The following HSP90AA1 variants were observed in gnomAD, a reference collection of about 807,000 sequenced individuals.
HSP90AA1 encodes the protein heat shock protein 90 alpha family class A member 1.
Under a neutral mutation model 73.3 loss-of-function variants are expected in HSP90AA1, and 18 were observed. The observed-to-expected ratio is 0.25, with a 90% CI of 0.17 to 0.36. The LOEUF (loss-of-function observed/expected upper bound fraction) is 0.36, where lower values mean the gene tolerates loss of function less well. HSP90AA1 is among the 10% of genes least tolerant of loss of function. The probability of loss-of-function intolerance (pLI) is 1.00; values close to 1 mark genes in which losing one functional copy is unlikely to be tolerated. For synonymous variants in HSP90AA1, 477 were observed against 296.9 expected (o/e 1.61, Z -6.24); for missense variants, 704 against 874.2 (o/e 0.81, Z 2.45).
chr14:102,093,151 G>A (rs1207241934), intron 2 of HSP90AA1, among the ~76,000 whole-genome samples: 1 of 150,954 alleles, frequency 6.6e-6, no homozygotes, highest in African/African-American at 2.4e-5. Flanking sequence ...TTCATACTTA[G>A]GAAAGAAAAA....
intron 5 of HSP90AA1, 56 bp from the exon 6 acceptor site, chr14:102,084,620 TG>T: frequency 1.2e-6 from 2 of 1,614,170 alleles, no homozygotes; most frequent in East Asian, 4.5e-5. Context: ...AGAAGATATT[TG>T]GGGTGGTGGA....
At chr14:102,085,603 A>G in intron 3 of HSP90AA1, 155 bp downstream of exon 3, 1 of 1,279,040 alleles carries the variant, frequency 7.8e-7, no homozygotes, top group South Asian at 1.2e-5. Context: ...ACCGCCCACC[A>G]AGTCATGCCA....
intron 1 of HSP90AA1, among the ~76,000 whole-genome samples, chr14:102,121,637 T>A (rs558080045): frequency 2.3e-4 from 35 of 152,326 alleles, no homozygotes; most frequent in Middle Eastern, 3.4e-3. Flanking sequence ...AATTTTATAT[T>A]GATAATTGAT....
intron 9 of HSP90AA1, 34 bp downstream of exon 9, chr14:102,083,000 G>GTC (rs750851586): frequency 7.5e-6 from 12 of 1,598,488 alleles, no homozygotes; most frequent in Non-Finnish European, 1.0e-5. Context: ...CACCTTAGAA[G>GTC]TATCAATGAT....
chr14:102,088,838 T>C (rs1180005982), upstream of HSP90AA1, among the ~76,000 whole-genome samples: 1 of 152,142 alleles, frequency 6.6e-6, no homozygotes, highest in Non-Finnish European at 1.5e-5. Flanking sequence ...GTTTCTGCCA[T>C]TGCCCAGGGG....
At chr14:102,081,995 C>T (rs1297684971) in intron 10 of HSP90AA1, 116 bp downstream of exon 10, 1 of 822,578 alleles carries the variant, frequency 1.2e-6, no homozygotes, top group South Asian at 1.4e-5. Flanking sequence ...TACTTTAATA[C>T]CTCCAAGCAG....
chr14:102,114,951 G>A (rs2049687893), intron 1 of HSP90AA1, among the ~76,000 whole-genome samples: 1 of 152,008 alleles, frequency 6.6e-6, no homozygotes, highest in Non-Finnish European at 1.5e-5. Context: ...TGGCTAACAC[G>A]GTGAAACCCC....
chr14:102,124,326 G>T (rs1007611368), intron 1 of HSP90AA1, among the ~76,000 whole-genome samples: 2 of 151,056 alleles, frequency 1.3e-5, no homozygotes, highest in Non-Finnish European at 2.9e-5. Flanking sequence ...CACATAGCTG[G>T]GATTACAGGT....
At chr14:102,134,133 AGAGT>A (rs1337863247) in intron 1 of HSP90AA1, among the ~76,000 whole-genome samples, 112 of 139,556 alleles carry the variant, frequency 8.0e-4, no homozygotes, top group African/African-American at 2.7e-3. Context: ...CCTGGGCAAC[AGAGT>A]GAGACCTGTC....
chr14:102,085,166 C>CAA, intron 4 of HSP90AA1, 132 bp downstream of exon 4: 4 of 1,437,430 alleles, frequency 2.8e-6, no homozygotes, highest in Non-Finnish European at 2.9e-6. Flanking sequence ...GGAACTTTTA[C>CAA]AGAGTTAGGT....
intron 1 of HSP90AA1, among the ~76,000 whole-genome samples, chr14:102,138,078 T>C (rs987453441): frequency 1.3e-5 from 2 of 152,082 alleles, no homozygotes; most frequent in East Asian, 1.9e-4. Flanking sequence ...ATTACTGTGA[T>C]TATAATAAAA....
Position 102,083,631 on chromosome 14 carries a change from T to C in HSP90AA1, c.1401A>G (p.Thr467=), listed in dbSNP as rs114259343. 35 of 1,613,304 alleles carry C rather than the reference T, an allele frequency of 2.2e-5. No homozygotes were observed. In the East Asian group the frequency reaches 5.1e-4, roughly 24 times the overall value. The change falls in exon 8 of 11, where the codon ACA becomes ACG. Residue 467 remains threonine (T), a synonymous_variant. Transcript: ENST00000216281. ...AAACCATCTCATCACCAGAGGCAGA[T>C]GTGTAGTACCTTAACAGCTCTGAAA... ...KKLSELLRYY[T]SASGDEMVSL...
At chr14:102,107,021 G>T (rs2049577769) in intron 1 of HSP90AA1, among the ~76,000 whole-genome samples, 1 of 152,014 alleles carries the variant, frequency 6.6e-6, no homozygotes, top group Non-Finnish European at 1.5e-5. Context: ...AGGGCAAGAA[G>T]AACTAAGAAA....
At chr14:102,105,716 A>G (rs2049559008) in intron 1 of HSP90AA1, among the ~76,000 whole-genome samples, 1 of 152,126 alleles carries the variant, frequency 6.6e-6, no homozygotes. Context: ...TGTTTTAGGT[A>G]GATCTTCATG....
chr14:102,108,951 T>C (rs1466389038), intron 1 of HSP90AA1, among the ~76,000 whole-genome samples: 1 of 152,140 alleles, frequency 6.6e-6, no homozygotes, highest in Non-Finnish European at 1.5e-5. Flanking sequence ...TGGATTGCAT[T>C]TCATTTATTT....
intron 1 of HSP90AA1, among the ~76,000 whole-genome samples, chr14:102,108,975 A>G: frequency 6.6e-6 from 1 of 152,136 alleles, no homozygotes; most frequent in East Asian, 1.9e-4. Flanking sequence ...TTTTTATTGG[A>G]CAGCTGAATT....
intron 1 of HSP90AA1, among the ~76,000 whole-genome samples, chr14:102,104,738 T>C (rs917264622): frequency 6.6e-6 from 1 of 152,086 alleles, no homozygotes; most frequent in Admixed American, 6.6e-5. Flanking sequence ...TCGACTCATC[T>C]TTCCCTCTCC....
rs1439325301 is a variant in HSP90AA1 at position 102,083,641 on chromosome 14, C to T, written c.1391G>A (p.Arg464Lys). Residue 464 changes from arginine to lysine, a missense_variant, in exon 8 of 11, where the codon AGG becomes AAG. Coordinates refer to ENST00000216281, the MANE Select transcript of HSP90AA1 (RefSeq NM_005348.4). ...ATCACCAGAGGCAGATGTGTAGTAC[C>T]TTAACAGCTCTGAAAGCTTCTTCCG... ...QNRKKLSELL[R>K]YYTSASGDEM... 1.2e-6 allele frequency: 2 copies of T among 1,613,036 alleles called. No individual in the cohort carries two copies. The highest frequency in any genetic ancestry group is 1.7e-5 in the Admixed American group (1 of 59,976).
upstream of HSP90AA1, among the ~76,000 whole-genome samples, chr14:102,091,661 C>T (rs2049360199): frequency 6.6e-6 from 1 of 151,928 alleles, no homozygotes; most frequent in Non-Finnish European, 1.5e-5. Flanking sequence ...CAGTCTCACT[C>T]TCTTGCCCAG....
Sources: allele counts gnomAD v4.1 joint callset (sites outside exome capture counted in the v4.1 genomes callset), GRCh38; gene constraint gnomAD v4.1.1; transcripts MANE v1.5; gene names NCBI Gene and HGNC (gene_info 2026-07-23, HGNC 2026-07-21).